Variants in DHRS7B observed in about 807,000 individuals in gnomAD.
The protein encoded by DHRS7B is peroxisomal reductase activating PPAR-gamma.
In DHRS7B, 24 loss-of-function variants were observed where a neutral mutation model predicts 26.4. That is an observed-to-expected ratio of 0.91 (90% CI 0.66 to 1.28). The LOEUF is 1.28. Among genes scored for constraint, DHRS7B ranks in the 50% most tolerant of loss-of-function variants. The pLI, the probability that DHRS7B is intolerant of heterozygous loss-of-function variation, is 0.00. For missense variants in DHRS7B, 368 were observed against 419.4 expected (o/e 0.88, Z 1.07); for synonymous variants, 142 against 166.4 (o/e 0.85, Z 1.13).
intron 1 of DHRS7B, among the ~76,000 whole-genome samples, chr17:21,171,236 G>T (rs368012933): frequency 6.6e-6 from 1 of 152,336 alleles, no homozygotes; most frequent in East Asian, 1.9e-4. Context: ...GCGGAGGAAT[G>T]GGGGAGGTTC....
chr17:21,178,784 G>C (rs1157461464), intron 3 of DHRS7B, among the ~76,000 whole-genome samples: 1 of 151,420 alleles, frequency 6.6e-6, no homozygotes, highest in African/African-American at 2.4e-5. Flanking sequence ...TCAGCCTCCT[G>C]AGTAGCTGGG....
At chr17:21,134,929 C>T (rs1973309409) in intron 1 of DHRS7B, among the ~76,000 whole-genome samples, 1 of 152,110 alleles carries the variant, frequency 6.6e-6, no homozygotes, top group Non-Finnish European at 1.5e-5. Context: ...CATTTTAGCT[C>T]TCCGTGAGTC....
chr17:21,153,745 G>C (rs1016705379), intron 1 of DHRS7B, among the ~76,000 whole-genome samples: 6 of 152,036 alleles, frequency 3.9e-5, no homozygotes, highest in African/African-American at 7.2e-5. Flanking sequence ...GAAAAAAAGG[G>C]GGAAGGGCAT....
At chr17:21,132,288 C>T (rs1973245812) in intron 1 of DHRS7B, among the ~76,000 whole-genome samples, 2 of 150,880 alleles carry the variant, frequency 1.3e-5, no homozygotes, top group African/African-American at 4.9e-5. Context: ...ATTGCTTGAG[C>T]CCAGGAGTTT....
At chr17:21,175,411 C>T (rs1974353925) in intron 2 of DHRS7B, among the ~76,000 whole-genome samples, 1 of 152,228 alleles carries the variant, frequency 6.6e-6, no homozygotes, top group Non-Finnish European at 1.5e-5. Context: ...AGTATTGGCC[C>T]ATCACCACAT....
At chr17:21,175,044 C>T (rs1401943734) in intron 2 of DHRS7B, among the ~76,000 whole-genome samples, 1 of 152,220 alleles carries the variant, frequency 6.6e-6, no homozygotes, top group Non-Finnish European at 1.5e-5. Context: ...TCACCTCCTT[C>T]AAAGAAGATA....
intron 2 of DHRS7B, among the ~76,000 whole-genome samples, chr17:21,177,611 C>T (rs1974411748): frequency 6.6e-6 from 1 of 152,172 alleles, no homozygotes; most frequent in African/African-American, 2.4e-5. Context: ...TGCTTGCGTG[C>T]ACTGACTTGA....
chr17:21,142,011 A>C (rs922036547), intron 1 of DHRS7B, among the ~76,000 whole-genome samples: 2 of 152,202 alleles, frequency 1.3e-5, no homozygotes, highest in African/African-American at 4.8e-5. Flanking sequence ...TTATTTTGCC[A>C]AGGTTGAGGT....
At chr17:21,161,968 A>C (rs1345564887) in intron 1 of DHRS7B, among the ~76,000 whole-genome samples, 1 of 151,946 alleles carries the variant, frequency 6.6e-6, no homozygotes, top group African/African-American at 2.4e-5. Context: ...CCTCCCTTAG[A>C]ATAAAGAGCA....
chr17:21,144,633 C>T (rs1220259242), intron 1 of DHRS7B, among the ~76,000 whole-genome samples: 2 of 151,986 alleles, frequency 1.3e-5, no homozygotes, highest in African/African-American at 4.8e-5. Context: ...GCCTGGCCAA[C>T]ATGGTGAAAC....
At chr17:21,170,884 A>G (rs74784515) in intron 1 of DHRS7B, among the ~76,000 whole-genome samples, 8,595 of 151,934 alleles carry the variant, frequency 0.057, 344 homozygotes, top group African/African-American at 0.12. Flanking sequence ...TGTGGGCTTG[A>G]GATGGGATAT....
intron 1 of DHRS7B, among the ~76,000 whole-genome samples, chr17:21,170,627 G>A (rs893681242): frequency 2.0e-5 from 3 of 152,210 alleles, no homozygotes; most frequent in African/African-American, 7.2e-5. Context: ...GAATTCAGGT[G>A]TATCTGGAAA....
chr17:21,169,993 G>A (rs1325535021), intron 1 of DHRS7B, among the ~76,000 whole-genome samples: 1 of 152,072 alleles, frequency 6.6e-6, no homozygotes. Flanking sequence ...TGAGAAAAAA[G>A]CTTTTACCAA....
intron 1 of DHRS7B, among the ~76,000 whole-genome samples, chr17:21,141,836 A>G (rs1184357870): frequency 1.3e-5 from 2 of 152,078 alleles, no homozygotes; most frequent in African/African-American, 4.8e-5. Context: ...CTCAGATCCC[A>G]GCAAATCGTC....
intron 1 of DHRS7B, among the ~76,000 whole-genome samples, chr17:21,142,108 A>AGTG (rs1304142658): frequency 6.6e-6 from 1 of 152,170 alleles, no homozygotes. Context: ...TCGGCAGGCT[A>AGTG]GTGTCTTAAA....
At chr17:21,159,213 C>G (rs899632852) in intron 1 of DHRS7B, among the ~76,000 whole-genome samples, 1 of 151,724 alleles carries the variant, frequency 6.6e-6, no homozygotes, top group Admixed American at 6.6e-5. Flanking sequence ...GAAGACAAAC[C>G]ACAGACTAGT....
At chr17:21,188,487 C>T (rs1004788340) in intron 5 of DHRS7B, among the ~76,000 whole-genome samples, 2 of 152,078 alleles carry the variant, frequency 1.3e-5, no homozygotes, top group Admixed American at 1.3e-4. Context: ...ATAATAAAAC[C>T]AGGTTTTAAA....
At chr17:21,184,791 A>C (rs1044462227) in intron 5 of DHRS7B, among the ~76,000 whole-genome samples, 2 of 152,224 alleles carry the variant, frequency 1.3e-5, no homozygotes, top group Non-Finnish European at 2.9e-5. Context: ...GGCATGTGCT[A>C]GCCACTCCTA....
At chr17:21,186,073 A>C (rs929317343) in intron 5 of DHRS7B, among the ~76,000 whole-genome samples, 3 of 152,244 alleles carry the variant, frequency 2.0e-5, no homozygotes, top group African/African-American at 7.2e-5. Flanking sequence ...TGCTGACTGC[A>C]GTAAGGCATA....
Sources: allele counts gnomAD v4.1 joint callset (sites outside exome capture counted in the v4.1 genomes callset), GRCh38; gene constraint gnomAD v4.1.1; transcripts MANE v1.5; gene names NCBI Gene and HGNC (gene_info 2026-07-23, HGNC 2026-07-21).